Variants in NKAIN2 observed in about 807,000 individuals in gnomAD.
NKAIN2 encodes the protein sodium/potassium transporting ATPase interacting 2, also known as sodium/potassium-transporting ATPase subunit beta-1-interacting protein 2.
NKAIN2 carries 14 observed loss-of-function variants against 32.6 expected under a neutral mutation model. That is an observed-to-expected ratio of 0.43 (90% CI 0.28 to 0.67). NKAIN2 has a LOEUF of 0.67. Ranked by LOEUF, NKAIN2 falls within the 30% of genes least tolerant of loss-of-function variation. The pLI is 0.17. For synonymous variants in NKAIN2, 80 were observed against 87.2 expected, an observed-to-expected ratio of 0.92 and a Z score of 0.46; for missense variants, 198 against 258.3, an observed-to-expected ratio of 0.77 and a Z score of 1.60.
intron 4 of NKAIN2, among the ~76,000 whole-genome samples, chr6:124,735,132 G>C (rs1026734717): frequency 2.6e-5 from 4 of 151,860 alleles, no homozygotes; most frequent in African/African-American, 7.2e-5. Flanking sequence ...CTTAAAAATG[G>C]TAAGATGTGT....
chr6:124,231,253 C>T (rs1282824787), intron 1 of NKAIN2, among the ~76,000 whole-genome samples: 1 of 152,234 alleles, frequency 6.6e-6, no homozygotes, highest in Non-Finnish European at 1.5e-5. Flanking sequence ...CCAATGCCTG[C>T]ATCCCCATTG....
intron 3 of NKAIN2, among the ~76,000 whole-genome samples, chr6:124,436,327 A>G (rs1775442491): frequency 6.6e-6 from 1 of 152,172 alleles, no homozygotes; most frequent in Admixed American, 6.5e-5. Flanking sequence ...AGCATGAAGT[A>G]AGATACACCA....
intron 1 of NKAIN2, among the ~76,000 whole-genome samples, chr6:123,865,148 A>G (rs941391823): frequency 1.3e-4 from 20 of 152,148 alleles, no homozygotes; most frequent in African/African-American, 4.8e-5. Flanking sequence ...GCTTCTTTCA[A>G]TGTGAGCAAT....
At chr6:124,211,318 T>A (rs1052030593) in intron 1 of NKAIN2, among the ~76,000 whole-genome samples, 1 of 151,846 alleles carries the variant, frequency 6.6e-6, no homozygotes, top group Non-Finnish European at 1.5e-5. Context: ...ATTTTAAACA[T>A]AGTGGGTATT....
At chr6:123,958,158 A>G (rs1777684424) in intron 1 of NKAIN2, among the ~76,000 whole-genome samples, 1 of 152,092 alleles carries the variant, frequency 6.6e-6, no homozygotes, top group Non-Finnish European at 1.5e-5. Flanking sequence ...TAGGACACCG[A>G]CCAGTGTAGG....
chr6:124,707,691 T>G (rs943162794), intron 4 of NKAIN2, among the ~76,000 whole-genome samples: 4 of 151,806 alleles, frequency 2.6e-5, no homozygotes, highest in African/African-American at 9.7e-5. Flanking sequence ...TGGGGTTGTT[T>G]GTTTTTTTCT....
chr6:124,294,034 A>G (rs73773716), intron 2 of NKAIN2, among the ~76,000 whole-genome samples: 6,751 of 152,130 alleles, frequency 0.044, 523 homozygotes, highest in African/African-American at 0.15. Flanking sequence ...ACTACCTGAG[A>G]TTGGATGATT....
chr6:124,587,999 A>G (rs1313896209), intron 3 of NKAIN2, among the ~76,000 whole-genome samples: 2 of 150,228 alleles, frequency 1.3e-5, no homozygotes, highest in Non-Finnish European at 3.0e-5. Context: ...TAGAAAACTC[A>G]TTTTTCTGCA....
At chr6:124,375,423 TTACATA>T (rs1799949066) in intron 3 of NKAIN2, among the ~76,000 whole-genome samples, 1 of 147,602 alleles carries the variant, frequency 6.8e-6, no homozygotes, top group Non-Finnish European at 1.5e-5. Context: ...TGTATATAAA[TTACATA>T]TATATATAAA....
chr6:124,397,577 C>A (rs1453942989), intron 3 of NKAIN2, among the ~76,000 whole-genome samples: 1 of 151,142 alleles, frequency 6.6e-6, no homozygotes, highest in African/African-American at 2.4e-5. Flanking sequence ...GATTTTGAAC[C>A]CAACAATTTC....
Position 124,279,943 on chromosome 6 carries a change from G to A in NKAIN2, c.55-3062G>A, listed in dbSNP as rs369642168. On this transcript the variant is annotated intron_variant, in intron 1 of 6. Transcript: ENST00000368417. ...GTAATGGAAGGGAAGATAATTCTTT[G>A]TGGTAGCAAAGAATTGAAAGCAACC... Among the ~76,000 whole-genome samples, 3 of 152,222 alleles carry A rather than the reference G, an allele frequency of 2.0e-5. No individual in the cohort carries two copies. In the East Asian group the frequency reaches 5.8e-4, roughly 29 times the overall value.
intron 5 of NKAIN2, among the ~76,000 whole-genome samples, chr6:124,805,319 G>T (rs1453473885): frequency 6.6e-6 from 1 of 152,148 alleles, no homozygotes; most frequent in Non-Finnish European, 1.5e-5. Flanking sequence ...TCAGACAGCG[G>T]CATTCGCGGT....
intron 4 of NKAIN2, among the ~76,000 whole-genome samples, chr6:124,719,528 A>G (rs965315605): frequency 3.9e-5 from 6 of 152,180 alleles, no homozygotes; most frequent in African/African-American, 1.4e-4. Flanking sequence ...TTCTTTATTT[A>G]TGATCTGCTT....
intron 4 of NKAIN2, among the ~76,000 whole-genome samples, chr6:124,739,976 G>A (rs1777125599): frequency 1.3e-5 from 2 of 151,852 alleles, no homozygotes; most frequent in African/African-American, 4.8e-5. Flanking sequence ...GGTGTTGGGA[G>A]TGCCCCTCCA....
chr6:124,483,053 C>T (rs1270970595), intron 3 of NKAIN2, among the ~76,000 whole-genome samples: 6 of 151,660 alleles, frequency 4.0e-5, no homozygotes, highest in Non-Finnish European at 5.9e-5. Flanking sequence ...ACCCAGGAGG[C>T]GGAGCTTGCA....
chr6:124,027,244 A>T (rs557404678), intron 1 of NKAIN2, among the ~76,000 whole-genome samples: 7 of 151,072 alleles, frequency 4.6e-5, no homozygotes, highest in African/African-American at 1.7e-4. Context: ...GGTTCAAGCG[A>T]TTCTCCTGCC....
intron 3 of NKAIN2, among the ~76,000 whole-genome samples, chr6:124,575,770 G>T (rs1346438562): frequency 6.6e-6 from 1 of 152,134 alleles, no homozygotes; most frequent in South Asian, 2.1e-4. Flanking sequence ...AGCTAGTACT[G>T]CTTCTCTCTT....
intron 4 of NKAIN2, among the ~76,000 whole-genome samples, chr6:124,723,927 T>C (rs1227006400): frequency 6.6e-6 from 1 of 152,232 alleles, no homozygotes; most frequent in Non-Finnish European, 1.5e-5. Context: ...TTTATGCTTC[T>C]GAAACCCTGT....
chr6:124,217,054 G>C (rs1791515999), intron 1 of NKAIN2, among the ~76,000 whole-genome samples: 1 of 152,116 alleles, frequency 6.6e-6, no homozygotes, highest in Non-Finnish European at 1.5e-5. Context: ...ACCAAAGTTT[G>C]CCACATAGCC....
Sources: gnomAD v4.1 joint callset for allele counts (sites outside exome capture counted in the v4.1 genomes callset) on GRCh38, gnomAD v4.1.1 for gene constraint, MANE v1.5 for transcripts, NCBI Gene and HGNC (gene_info 2026-07-23, HGNC 2026-07-21) for gene names.